Variants in GEMIN8 observed in about 807,000 individuals in gnomAD.
GEMIN8 encodes the protein gem nuclear organelle associated protein 8, also known as gem-associated protein 8.
For synonymous variants in GEMIN8, 80 were observed against 78.5 expected (o/e 1.02, Z -0.10); for missense variants, 185 against 205.9 (o/e 0.90, Z 0.62).
chrX:14,017,780 A>G (rs1259522634), intron 4 of GEMIN8, among the ~76,000 whole-genome samples: 1 of 112,230 alleles, frequency 8.9e-6, no homozygotes, highest in African/African-American at 3.2e-5. Context: ...TGAGTCACAT[A>G]GGATTAGGAT....
the GEMIN8 span, among the ~76,000 whole-genome samples, chrX:13,988,448 T>A: frequency 9.1e-6 from 1 of 109,372 alleles, no homozygotes; most frequent in African/African-American, 3.3e-5. Context: ...CCAGATCTCA[T>A]CCCTTCTCTC....
rs971695649 is a variant in GEMIN8, at chrX:14,008,004, G to A, written c.*909C>T. ...TCTGTTTTTGTTTTTGTTTTGAGAC[G>A]GAGTCTTGCTCTTTCTCTAGGTTGG... On this transcript the variant is annotated 3_prime_UTR_variant, in exon 5 of 5. Transcript: ENST00000680255. Among the ~76,000 whole-genome samples the A allele has an allele frequency of 1.8e-5, 2 of 110,561 alleles. No individual in the cohort carries two copies. The highest frequency in any genetic ancestry group is 3.3e-5 in the African/African-American group (1 of 30,334).
At position 14,020,785 on chromosome X, in the gene GEMIN8, G is replaced by A. The variant is rs1210897985; in HGVS notation, c.16-251C>T. 3.6e-5 allele frequency among the ~76,000 whole-genome samples: 4 copies of A among 111,402 alleles called. No individual in the cohort carries two copies. The Admixed American group carries it at 3.8e-4, about 11-fold the overall frequency. On this transcript the variant is annotated intron_variant, in intron 3 of 4. Transcript: ENST00000680255. ...CACAAGCCAGCCAATTAAAGCTATG[G>A]AGCATTATAATGTGGGGATGAAGGC...
chrX:14,005,203 G>A (rs1379773030), downstream of GEMIN8, among the ~76,000 whole-genome samples: 3 of 110,264 alleles, frequency 2.7e-5, no homozygotes, highest in African/African-American at 9.9e-5. Context: ...GGTGACTCTT[G>A]GTGGGCTCTT....
At chrX:14,026,827 T>C (rs1362786171) in intron 1 of GEMIN8, among the ~76,000 whole-genome samples, 1 of 112,936 alleles carries the variant, frequency 8.9e-6, no homozygotes, top group South Asian at 3.6e-4. Flanking sequence ...ACTAGAATTC[T>C]AAAAATACAT....
chrX:13,996,689 T>C, the GEMIN8 span, among the ~76,000 whole-genome samples: 4 of 111,580 alleles, frequency 3.6e-5, no homozygotes, highest in African/African-American at 1.3e-4. Flanking sequence ...CTATAAGCTA[T>C]CATGTGAAAA....
chrX:14,029,152 C>G (rs182108034), intron 1 of GEMIN8, among the ~76,000 whole-genome samples: 2 of 112,236 alleles, frequency 1.8e-5, no homozygotes, highest in East Asian at 2.8e-4. Flanking sequence ...TCAATTACAG[C>G]TCATTACTGA....
At chrX:14,026,792 C>A (rs1001467686) in intron 1 of GEMIN8, among the ~76,000 whole-genome samples, 1 of 112,659 alleles carries the variant, frequency 8.9e-6, no homozygotes, top group Non-Finnish European at 1.9e-5. Flanking sequence ...TATACTTGAA[C>A]TAGATTTTCC....
At chrX:14,001,426 T>C in the GEMIN8 span, among the ~76,000 whole-genome samples, 1 of 112,495 alleles carries the variant, frequency 8.9e-6, no homozygotes, top group African/African-American at 3.2e-5. Flanking sequence ...GATCTAAAAG[T>C]GTTTTAATAA....
the GEMIN8 span, among the ~76,000 whole-genome samples, chrX:13,997,720 C>T: frequency 4.5e-5 from 5 of 110,397 alleles, no homozygotes; most frequent in Admixed American, 4.8e-4. Flanking sequence ...CATGGCAAAA[C>T]GCCGTCTCTA....
chrX:13,995,296 A>G, the GEMIN8 span, among the ~76,000 whole-genome samples: 2 of 111,839 alleles, frequency 1.8e-5, no homozygotes, highest in Non-Finnish European at 3.8e-5. Context: ...CTGGCTTTGG[A>G]CAAGTTACTT....
At chrX:14,021,636 T>G in intron 2 of GEMIN8, 125 bp from the exon 3 acceptor site, 1 of 474,615 alleles carries the variant, frequency 2.1e-6, no homozygotes. Flanking sequence ...CCTGATTTCA[T>G]GCAACCTATC....
intron 4 of GEMIN8, among the ~76,000 whole-genome samples, chrX:14,009,403 C>T (rs1468578309): frequency 1.8e-5 from 2 of 111,593 alleles, no homozygotes; most frequent in Non-Finnish European, 3.8e-5. Flanking sequence ...GGTTATTATA[C>T]ACTGAGAGAA....
chrX:14,005,682 C>T (rs1923124718), downstream of GEMIN8, among the ~76,000 whole-genome samples: 1 of 112,131 alleles, frequency 8.9e-6, no homozygotes, highest in Non-Finnish European at 1.9e-5. Context: ...TGACAACCTA[C>T]TACTTGTGAT....
chrX:14,028,697 G>A (rs1924822822), intron 1 of GEMIN8, among the ~76,000 whole-genome samples: 1 of 111,598 alleles, frequency 9.0e-6, no homozygotes, highest in South Asian at 3.7e-4. Flanking sequence ...ACTTTAGTTT[G>A]TATACTTCCC....
At chrX:13,998,091 T>A in the GEMIN8 span, among the ~76,000 whole-genome samples, 1 of 106,068 alleles carries the variant, frequency 9.4e-6, no homozygotes, top group East Asian at 2.9e-4. Context: ...TTTTTTTTTT[T>A]TTGAGATAGA....
chrX:13,991,888 A>G, the GEMIN8 span, among the ~76,000 whole-genome samples: 1 of 112,361 alleles, frequency 8.9e-6, no homozygotes, highest in African/African-American at 3.2e-5. Context: ...ACTGAGCCTA[A>G]TCCCTATTGA....
chrX:14,014,451 G>C, intron 4 of GEMIN8: 1 of 750,753 alleles, frequency 1.3e-6, no homozygotes, highest in East Asian at 1.5e-4. Flanking sequence ...TTTTACAACA[G>C]AAGTGCATTT....
intron 4 of GEMIN8, 89 bp from the exon 5 acceptor site, chrX:14,009,258 T>TG: frequency 5.4e-6 from 5 of 930,790 alleles, no homozygotes; most frequent in South Asian, 2.3e-5. Flanking sequence ...CTGCTGGCCA[T>TG]GCCATCTGCA....
Sources: gnomAD v4.1 joint callset for allele counts (sites outside exome capture counted in the v4.1 genomes callset) on GRCh38, gnomAD v4.1.1 for gene constraint, MANE v1.5 for transcripts, NCBI Gene and HGNC (gene_info 2026-07-23, HGNC 2026-07-21) for gene names.